Variants in RAB12 observed in about 807,000 individuals in gnomAD.
RAB12 encodes the protein RAB12, member RAS oncogene family.
RAB12 carries 11 observed loss-of-function variants against 28.4 expected under a neutral mutation model. The observed-to-expected ratio is 0.39, with a 90% CI of 0.24 to 0.64. The LOEUF is 0.64. RAB12 is among the 30% of genes least tolerant of loss of function. RAB12 has a pLI of 0.50. For synonymous variants in RAB12, 138 were observed against 145.3 expected, an observed-to-expected ratio of 0.95 and a Z score of 0.36; for missense variants, 276 against 351.1, an observed-to-expected ratio of 0.79 and a Z score of 1.71.
intron 1 of RAB12, among the ~76,000 whole-genome samples, chr18:8,611,832 G>A (rs1457320638): frequency 6.6e-6 from 1 of 152,172 alleles, no homozygotes; most frequent in Non-Finnish European, 1.5e-5. Context: ...TCTGAGTGTG[G>A]TTGAATTTCT....
chr18:8,620,383 G>A (rs1177272782), intron 1 of RAB12, among the ~76,000 whole-genome samples: 5 of 151,986 alleles, frequency 3.3e-5, no homozygotes, highest in African/African-American at 1.2e-4. Context: ...AACTGTTACC[G>A]TAATCCTCTG....
chr18:8,637,494 G>A (rs1449429567), intron 5 of RAB12, among the ~76,000 whole-genome samples: 1 of 152,198 alleles, frequency 6.6e-6, no homozygotes, highest in Admixed American at 6.5e-5. Context: ...GATATGAAGT[G>A]TCTTGAACAT....
rs1598315808 is a variant in RAB12, at chr18:8,639,144, G to GTTTTTTTTTTTTTTTTTTT, written c.*884_*885insTTTTTTTTTTTTTTTTTTT. 6.0e-4 allele frequency: 10 copies of GTTTTTTTTTTTTTTTTTTT among 16,580 alleles called. No individual in the cohort carries two copies. The highest frequency in any genetic ancestry group is 9.7e-4 in the Admixed American group (1 of 1,026). The allele number at this position is 16,580 out of a possible 1,614,324, so 1.0% of individuals were successfully genotyped here. A position where few individuals can be genotyped will look rare whatever the true frequency, so the allele number is the denominator to read the frequency against. ...CTTATTCTGATTAAGCCTAGACTGT[G>GTTTTTTTTTTTTTTTTTTT]TTCTTTTTTTTTTTTTTTTTTTTTT... On this transcript the variant is annotated 3_prime_UTR_variant, in exon 6 of 6. Transcript: ENST00000649141.
At chr18:8,619,760 C>T (rs2096008703) in intron 1 of RAB12, among the ~76,000 whole-genome samples, 2 of 152,134 alleles carry the variant, frequency 1.3e-5, no homozygotes, top group African/African-American at 2.4e-5. Flanking sequence ...GTTTCCCCGT[C>T]ACTGGGCTGC....
At chr18:8,620,517 C>G (rs931060406) in intron 1 of RAB12, among the ~76,000 whole-genome samples, 1 of 151,936 alleles carries the variant, frequency 6.6e-6, no homozygotes, top group African/African-American at 2.4e-5. Flanking sequence ...CCTGGGCACC[C>G]CTGCGTTCAC....
At chr18:8,614,579 ATTTTATT>A (rs2096005738) in intron 1 of RAB12, among the ~76,000 whole-genome samples, 2 of 151,010 alleles carry the variant, frequency 1.3e-5, no homozygotes, top group South Asian at 4.2e-4. Context: ...AAAGTTTTTT[ATTTTATT>A]TTTTATTTTT....
chr18:8,612,639 A>G (rs1019979182), intron 1 of RAB12, among the ~76,000 whole-genome samples: 1 of 152,144 alleles, frequency 6.6e-6, no homozygotes, highest in Admixed American at 6.5e-5. Flanking sequence ...CTAGGCTAGG[A>G]GAGTGTTTCC....
intron 1 of RAB12, among the ~76,000 whole-genome samples, chr18:8,615,250 C>T (rs550949497): frequency 2.6e-5 from 4 of 152,320 alleles, no homozygotes; most frequent in Non-Finnish European, 5.9e-5. Context: ...TGTTAGGCGG[C>T]ATGACAAGTC....
At chr18:8,622,825 AC>A (rs1365378897) in intron 1 of RAB12, among the ~76,000 whole-genome samples, 1 of 151,930 alleles carries the variant, frequency 6.6e-6, no homozygotes, top group Non-Finnish European at 1.5e-5. Flanking sequence ...GCCCCCCGCC[AC>A]CCCGTAGACC....
At chr18:8,630,913 G>A (rs1440212677) in intron 2 of RAB12, among the ~76,000 whole-genome samples, 1 of 152,224 alleles carries the variant, frequency 6.6e-6, no homozygotes, top group Non-Finnish European at 1.5e-5. Flanking sequence ...TTGAGATGGA[G>A]TCTTGCTCTC....
intron 5 of RAB12, 46 bp from the exon 6 acceptor site, chr18:8,638,103 C>A: frequency 7.8e-7 from 1 of 1,278,854 alleles, no homozygotes; most frequent in Non-Finnish European, 1.1e-6. Flanking sequence ...TGTATGTGTA[C>A]CTTGTAAAGT....
chr18:8,610,075 C>A, intron 1 of RAB12, 122 bp downstream of exon 1: 1 of 718,018 alleles, frequency 1.4e-6, no homozygotes. Context: ...CTCGGTGAAA[C>A]TAGGGGCGGG....
At chr18:8,629,844 G>A (rs2096014904) in intron 2 of RAB12, among the ~76,000 whole-genome samples, 1 of 152,200 alleles carries the variant, frequency 6.6e-6, no homozygotes, top group Non-Finnish European at 1.5e-5. Flanking sequence ...GTGGTGAGAG[G>A]CTCTGGTGGC....
At chr18:8,622,488 T>C (rs1045205688) in intron 1 of RAB12, among the ~76,000 whole-genome samples, 1 of 152,132 alleles carries the variant, frequency 6.6e-6, no homozygotes, top group Non-Finnish European at 1.5e-5. Flanking sequence ...CAGCAAGTTT[T>C]TATTAGGGAT....
chr18:8,611,962 CCTG>C (rs2096004073), intron 1 of RAB12, among the ~76,000 whole-genome samples: 1 of 152,198 alleles, frequency 6.6e-6, no homozygotes, highest in Admixed American at 6.5e-5. Context: ...TGGCCCCTGG[CCTG>C]CTGCAGAGCG....
At chr18:8,616,929 A>G (rs2096007024) in intron 1 of RAB12, among the ~76,000 whole-genome samples, 1 of 152,062 alleles carries the variant, frequency 6.6e-6, no homozygotes, top group African/African-American at 2.4e-5. Flanking sequence ...ACCTTGTCTC[A>G]AAAAAGAAAA....
At chr18:8,611,942 A>G (rs1410974173) in intron 1 of RAB12, among the ~76,000 whole-genome samples, 1 of 152,210 alleles carries the variant, frequency 6.6e-6, no homozygotes, top group Non-Finnish European at 1.5e-5. Flanking sequence ...GGATGTTCAG[A>G]GAATGATCAT....
At chr18:8,635,852 C>A in intron 4 of RAB12, 1 of 472,304 alleles carries the variant, frequency 2.1e-6, no homozygotes, top group Non-Finnish European at 3.7e-6. Flanking sequence ...TATTATCTAA[C>A]CTGACATTTT....
chr18:8,609,808 C>G lies in RAB12; in HGVS notation c.369C>G (p.Gly123=). 1 of 1,468,582 alleles carries G rather than the reference C, an allele frequency of 6.8e-7. No individual in the cohort carries two copies. Among genetic ancestry groups the G allele is most frequent in the Non-Finnish European group, 9.0e-7 (1 of 1,110,742 alleles). The allele number at this position is 1,468,582 out of a possible 1,614,324, so 91.0% of individuals were successfully genotyped here. The change falls in exon 1 of 6, where the codon GGC becomes GGG. Residue 123 remains glycine, a synonymous_variant. Transcript: ENST00000649141. ...CGGGCTCCCCGGCGCTGTCGGGCGG[C>G]CAGGGCCGCCGGAGGAAGCAGCCCC... is the stretch of plus-strand genomic sequence containing the variant. ...LGAGSPALSG[G]QGRRRKQPPR... is the part of the protein sequence containing the mutation.
Sources: allele counts gnomAD v4.1 joint callset (sites outside exome capture counted in the v4.1 genomes callset), GRCh38; gene constraint gnomAD v4.1.1; transcripts MANE v1.5; gene names NCBI Gene and HGNC (gene_info 2026-07-23, HGNC 2026-07-21).